CFAP97D2: variants seen among roughly 807,000 people sequenced by gnomAD.
The protein encoded by CFAP97D2 is CFAP97 domain containing 2, also known as uncharacterized protein CFAP97D2.
At chr13:114,206,836 C>A (rs1231288840) in intron 3 of CFAP97D2, among the ~76,000 whole-genome samples, 1 of 152,182 alleles carries the variant, frequency 6.6e-6, no homozygotes, top group Non-Finnish European at 1.5e-5. Flanking sequence ...CTTTTGGGGG[C>A]TTCTAAGACC....
chr13:114,199,629 C>T (rs112314645), intron 2 of CFAP97D2: 1 of 32,538 alleles, frequency 3.1e-5, no homozygotes, highest in Non-Finnish European at 4.8e-5. Flanking sequence ...CGTCCCCGTG[C>T]GTACGGTCCC....
rs539807444 is a variant in CFAP97D2, at chr13:114,187,158, C to A, written c.90+7738C>A. Among the ~76,000 whole-genome samples, 80 of 151,928 alleles carry A rather than the reference C, an allele frequency of 5.3e-4. No homozygotes were observed. The highest frequency in any genetic ancestry group is 1.9e-3 in the African/African-American group (77 of 41,398). ...TACATATTGCAAATCCTAGGGCAGC[C>A]ATTAAAAATGTAATGAAAGAAGTAT... On this transcript the variant is annotated intron_variant, in intron 1 of 4. Transcript: ENST00000646158. The surrounding 1 kb of genome is among the most constrained non-coding windows in gnomAD (Gnocchi z 4.2).
rs374752711 is a variant in CFAP97D2 at position 114,179,461 on chromosome 13, G to A, written c.90+41G>A. Reference sequence around the variant, plus strand: ...ATCCAGCCCTGACAGCTCAGCGGGCGGGCACCAAGCAGCGCCCACGAAATG... The same window carrying A: ...ATCCAGCCCTGACAGCTCAGCGGGCAGGCACCAAGCAGCGCCCACGAAATG... On this transcript the variant is annotated intron_variant, in intron 1 of 4. Coordinates refer to ENST00000646158, the Ensembl canonical transcript of CFAP97D2. This position sits in a 1 kb window ranked among gnomAD's most constrained non-coding sequence, Gnocchi z 4.8. 11 of 398,430 alleles carry A rather than the reference G, an allele frequency of 2.8e-5. No homozygotes were observed. The highest frequency in any genetic ancestry group is 1.6e-4 in the African/African-American group (8 of 48,628). 24.7% of individuals were successfully genotyped at this position (398,430 alleles called of 1,614,324 possible). A position where few individuals can be genotyped will look rare whatever the true frequency, so the allele number is the denominator to read the frequency against.
At chr13:114,202,144 C>G (rs959726456) in intron 3 of CFAP97D2, among the ~76,000 whole-genome samples, 3 of 152,208 alleles carry the variant, frequency 2.0e-5, no homozygotes, top group Admixed American at 6.5e-5. Context: ...GTTAGCATAA[C>G]GTTGAGTAGT....
intron 3 of CFAP97D2, among the ~76,000 whole-genome samples, chr13:114,210,066 G>A (rs1219135939): frequency 6.6e-6 from 1 of 152,026 alleles, no homozygotes; most frequent in Non-Finnish European, 1.5e-5. Flanking sequence ...AATACTTTTT[G>A]TATATTTTCT....
intron 1 of CFAP97D2, among the ~76,000 whole-genome samples, chr13:114,193,633 T>TG (rs1342563541): frequency 1.3e-5 from 2 of 152,244 alleles, no homozygotes; most frequent in African/African-American, 4.8e-5. Flanking sequence ...ACTGTTGCAG[T>TG]GGATATTAAG....
At chr13:114,220,581 A>T (rs1261624704) in intron 4 of CFAP97D2, among the ~76,000 whole-genome samples, 1 of 152,220 alleles carries the variant, frequency 6.6e-6, no homozygotes, top group African/African-American at 2.4e-5. Flanking sequence ...TTTATATAAG[A>T]TTATCCAACA....
intron 4 of CFAP97D2, among the ~76,000 whole-genome samples, chr13:114,216,166 T>G (rs768036591): frequency 6.6e-6 from 1 of 152,160 alleles, no homozygotes; most frequent in Non-Finnish European, 1.5e-5. Context: ...GCCCCACAGG[T>G]GTGCTTCTCC....
chr13:114,202,478 G>C (rs772468814), intron 3 of CFAP97D2, among the ~76,000 whole-genome samples: 1 of 152,202 alleles, frequency 6.6e-6, no homozygotes, highest in Admixed American at 6.5e-5. Context: ...TTCAAGAAAA[G>C]CTACTGTAAT....
At chr13:114,190,141 T>C (rs1594514684) in intron 1 of CFAP97D2, among the ~76,000 whole-genome samples, 1 of 148,094 alleles carries the variant, frequency 6.8e-6, no homozygotes, top group African/African-American at 2.5e-5. Context: ...GGCCCCGTCT[T>C]AAAAAAAAAA....
In CFAP97D2 at chr13:114,187,442, T is replaced by A. The variant is rs1375684361; in HGVS notation, c.90+8022T>A. Among the ~76,000 whole-genome samples the A allele has an allele frequency of 6.6e-6, 1 of 151,798 alleles. No homozygotes were observed. Among genetic ancestry groups the A allele is most frequent in the African/African-American group, 2.4e-5 (1 of 41,300 alleles). ...TAAAAGTAAATGATTGAAAAAAATA[T>A]ACCATGTCAACACAAGTCAAAAGAA... On this transcript the variant is annotated intron_variant, in intron 1 of 4. Coordinates refer to ENST00000646158, the Ensembl canonical transcript of CFAP97D2. The surrounding 1 kb of genome is among the most constrained non-coding windows in gnomAD (Gnocchi z 4.2).
At chr13:114,204,140 A>G (rs528731331) in intron 3 of CFAP97D2, among the ~76,000 whole-genome samples, 84 of 152,326 alleles carry the variant, frequency 5.5e-4, no homozygotes, top group African/African-American at 1.8e-3. Context: ...CATTTCGAGG[A>G]GGCAGCGGGC....
Position 114,182,168 on chromosome 13 carries a change from A to G in CFAP97D2, c.90+2748A>G, listed in dbSNP as rs372855300. ...GTGATAATAAGGAGAAGGTCAGCAA[A>G]AAACGTGAGCAAAAGAGTCTATGTC... is the stretch of plus-strand genomic sequence containing the variant. On this transcript the variant is annotated intron_variant, in intron 1 of 4. Coordinates refer to ENST00000646158, the Ensembl canonical transcript of CFAP97D2. 1.6e-5 allele frequency among the ~76,000 whole-genome samples: 2 copies of G among 126,928 alleles called. 1 individual carries two copies. The highest frequency in any genetic ancestry group is 5.9e-5 in the African/African-American group (2 of 33,882). The allele number at this position is 126,928 out of a possible 152,430, so 83.3% of individuals were successfully genotyped here. A position where few individuals can be genotyped will look rare whatever the true frequency, so the allele number is the denominator to read the frequency against.
intron 3 of CFAP97D2, among the ~76,000 whole-genome samples, chr13:114,204,743 G>A (rs977773026): frequency 1.3e-5 from 2 of 152,096 alleles, no homozygotes; most frequent in African/African-American, 4.8e-5. Context: ...GAAAACAGTG[G>A]GAAATCATCG....
At chr13:114,212,253 A>G (rs907230100) in intron 4 of CFAP97D2, 1 of 394,988 alleles carries the variant, frequency 2.5e-6, no homozygotes, top group African/African-American at 2.1e-5. Context: ...AAATGGTCAC[A>G]TCCTGTAACA....
intron 4 of CFAP97D2, among the ~76,000 whole-genome samples, chr13:114,214,734 G>A (rs1176571699): frequency 1.3e-5 from 2 of 152,108 alleles, no homozygotes; most frequent in Non-Finnish European, 2.9e-5. Flanking sequence ...TTATAGGCAT[G>A]AGCCACTGCA....
rs538694529 is a variant in CFAP97D2 at position 114,206,219 on chromosome 13, C to T, written c.291-5693C>T. The stretch of plus-strand genomic sequence containing the variant: ...CCCAGTTCAAGTGATTCTCCTGCCT[C>T]AGCCTCCCGAGTAGCTGGGATTACA... On this transcript the variant is annotated intron_variant, in intron 3 of 4. Transcript: ENST00000646158. 2.6e-5 allele frequency among the ~76,000 whole-genome samples: 4 copies of T among 151,938 alleles called. No homozygotes were observed. In the South Asian group the frequency reaches 8.3e-4, roughly 32 times the overall value.
intron 3 of CFAP97D2, among the ~76,000 whole-genome samples, chr13:114,208,916 A>G (rs921898337): frequency 4.6e-5 from 7 of 152,154 alleles, no homozygotes; most frequent in African/African-American, 1.7e-4. Context: ...GCCGCCTCCA[A>G]TATGAATAAG....
In CFAP97D2 at chr13:114,203,025, C is replaced by T. The variant is rs2080925500; in HGVS notation, c.290+2582C>T. Among the ~76,000 whole-genome samples, 2 of 152,196 alleles carry T rather than the reference C, an allele frequency of 1.3e-5. No individual in the cohort carries two copies. The highest frequency in any genetic ancestry group is 2.9e-5 in the Non-Finnish European group (2 of 68,040). On this transcript the variant is annotated intron_variant, in intron 3 of 4. Coordinates refer to ENST00000646158, the Ensembl canonical transcript of CFAP97D2. This position sits in a 1 kb window ranked among gnomAD's most constrained non-coding sequence, Gnocchi z 4.3. ...GCAGACCCTCGTAACAGCTCCCATT[C>T]TCTTCCCAAAGGGATGGTTTAATTT...
Sources: allele counts gnomAD v4.1 joint callset (sites outside exome capture counted in the v4.1 genomes callset), GRCh38; gene constraint gnomAD v4.1.1; non-coding constraint Gnocchi (gnomAD v3.1); transcripts MANE v1.5; gene names NCBI Gene and HGNC (gene_info 2026-07-23, HGNC 2026-07-21).